The following LRP2BP variants were observed in gnomAD, a reference collection of about 807,000 sequenced individuals.
LRP2BP encodes LRP2 binding protein.
In LRP2BP, 38 loss-of-function variants were observed where a neutral mutation model predicts 45.2. The observed-to-expected ratio is 0.84, with a 90% CI of 0.65 to 1.10. The LOEUF is 1.10. Ranked by LOEUF, LRP2BP falls within the 50% of genes least tolerant of loss-of-function variation. The pLI is 0.00. For synonymous variants in LRP2BP, 153 were observed against 153.9 expected (o/e 0.99, Z 0.04); for missense variants, 385 against 418.9 (o/e 0.92, Z 0.71).
rs1343223959 is a variant in LRP2BP, at chr4:185,371,363, C to T, written c.804-549G>A. The stretch of plus-strand genomic sequence containing the variant: ...GACCATCCTGGCTAACATGGTGAAA[C>T]CCCGTCTCTACTAAAAAAGATACAA... On this transcript the variant is annotated intron_variant, in intron 7 of 8. Coordinates refer to ENST00000505916, the MANE Select transcript of LRP2BP (RefSeq NM_001377440.1). 3.3e-5 allele frequency among the ~76,000 whole-genome samples: 5 copies of T among 151,780 alleles called. No individual in the cohort carries two copies. In the East Asian group the frequency reaches 9.7e-4, roughly 29 times the overall value.
At chr4:185,372,708 G>C in intron 7 of LRP2BP, 148 bp downstream of exon 7, 1 of 597,746 alleles carries the variant, frequency 1.7e-6, no homozygotes, top group South Asian at 2.7e-5. Flanking sequence ...GCTTTCTGCT[G>C]TCACGTGAGG....
At chr4:185,382,248 T>A (rs1054281163) in intron 1 of LRP2BP, among the ~76,000 whole-genome samples, 4 of 152,240 alleles carry the variant, frequency 2.6e-5, no homozygotes, top group Non-Finnish European at 5.9e-5. Context: ...TATGGATTTT[T>A]AAAAAATCTG....
At chr4:185,367,459 A>C (rs2095393024) in intron 8 of LRP2BP, among the ~76,000 whole-genome samples, 1 of 152,204 alleles carries the variant, frequency 6.6e-6, no homozygotes, top group African/African-American at 2.4e-5. Flanking sequence ...CATTTGAAAG[A>C]GATATTTTAT....
At chr4:185,397,097 G>A, upstream of LRP2BP, 1 of 1,610,324 alleles carries the variant, frequency 6.2e-7, no homozygotes, top group South Asian at 1.1e-5. Flanking sequence ...GCCCGGAGGG[G>A]CGCGGGACTG....
intron 3 of LRP2BP, 25 bp from the exon 4 acceptor site, chr4:185,375,751 AT>A: frequency 1.4e-6 from 2 of 1,460,618 alleles, no homozygotes; most frequent in Non-Finnish European, 1.9e-6. Context: ...AAGATATTTA[AT>A]TATTTTTATT....
chr4:185,368,240 C>G (rs976710266), intron 8 of LRP2BP, among the ~76,000 whole-genome samples: 10 of 152,180 alleles, frequency 6.6e-5, no homozygotes, highest in African/African-American at 2.4e-4. Context: ...CCAGAATCCT[C>G]GAAGGGTCCT....
chr4:185,378,222 A>G lies in LRP2BP; in HGVS notation c.-21-15T>C, dbSNP rs75948372. 0.021 allele frequency: 33,543 copies of G among 1,604,060 alleles called. 597 individuals are homozygous for G. The highest frequency in any genetic ancestry group is 0.064 in the Middle Eastern group (386 of 6,004). ...CAATGTGTATTCTATAAGCAAGAAG[A>G]AAAAATAAGTGGTAGAAATTTCTTC... On this transcript the variant is annotated splice_polypyrimidine_tract_variant and intron_variant, in intron 1 of 8. Coordinates refer to ENST00000505916, the MANE Select transcript of LRP2BP (RefSeq NM_001377440.1).
intron 1 of LRP2BP, among the ~76,000 whole-genome samples, chr4:185,392,933 TTA>T (rs1723325271): frequency 6.6e-6 from 1 of 152,182 alleles, no homozygotes; most frequent in African/African-American, 2.4e-5. Context: ...ACTGGGATTT[TTA>T]GTTTTCAGTA....
chr4:185,386,067 T>TCTAA (rs1371911405), intron 1 of LRP2BP, among the ~76,000 whole-genome samples: 1 of 152,180 alleles, frequency 6.6e-6, no homozygotes, highest in Non-Finnish European at 1.5e-5. Flanking sequence ...AATGCAGTAG[T>TCTAA]CTAACTGAAA....
At chr4:185,368,481 G>A (rs1382779744) in intron 8 of LRP2BP, among the ~76,000 whole-genome samples, 1 of 152,070 alleles carries the variant, frequency 6.6e-6, no homozygotes, top group Non-Finnish European at 1.5e-5. Flanking sequence ...CTCCCAACCC[G>A]TTCCCTTCCT....
Position 185,385,754 on chromosome 4 carries a change from A to G in LRP2BP, c.-21-7547T>C, listed in dbSNP as rs112547004. Among the ~76,000 whole-genome samples, 782 of 152,270 alleles carry G rather than the reference A, an allele frequency of 5.1e-3. 9 individuals are homozygous for G. The highest frequency in any genetic ancestry group is 0.018 in the African/African-American group (756 of 41,540). On this transcript the variant is annotated intron_variant, in intron 1 of 8. Transcript: ENST00000505916. ...CGTCTCTACTAACAATACAAAAATTAGCTGGGTGCGGTAGTAGGCGCCTGT... is the reference window on the plus strand; with the variant it reads ...CGTCTCTACTAACAATACAAAAATTGGCTGGGTGCGGTAGTAGGCGCCTGT...
chr4:185,376,766 A>G (rs771167239), intron 3 of LRP2BP, 143 bp downstream of exon 3: 36 of 611,584 alleles, frequency 5.9e-5, no homozygotes, highest in African/African-American at 1.7e-4. Flanking sequence ...ACTGTATCCT[A>G]CTGTTAAAGC....
chr4:185,375,832 C>A (rs2095435569), intron 3 of LRP2BP, 106 bp from the exon 4 acceptor site: 2 of 576,618 alleles, frequency 3.5e-6, no homozygotes, highest in African/African-American at 3.8e-5. Context: ...ACACAGTTAA[C>A]AAGCAATGCA....
intron 1 of LRP2BP, among the ~76,000 whole-genome samples, 169 bp downstream of exon 1, chr4:185,394,610 C>G: frequency 6.6e-6 from 1 of 152,216 alleles, no homozygotes; most frequent in Non-Finnish European, 1.5e-5. Flanking sequence ...TTTCACATCA[C>G]AGCTGCATGT....
chr4:185,396,689 T>C (rs1300527539), upstream of LRP2BP: 3 of 534,490 alleles, frequency 5.6e-6, no homozygotes, highest in Non-Finnish European at 9.9e-6. Context: ...CACGTGCCAG[T>C]GTTTGTGTAC....
At chr4:185,367,338 A>G (rs1468209530) in intron 8 of LRP2BP, 93 bp from the exon 9 acceptor site, 1 of 1,130,036 alleles carries the variant, frequency 8.8e-7, no homozygotes, top group South Asian at 1.4e-5. Context: ...CATTTTTAAG[A>G]ATAGTAAAGT....
upstream of LRP2BP, chr4:185,396,873 T>A (rs763359900): frequency 2.5e-6 from 4 of 1,602,454 alleles, no homozygotes; most frequent in Non-Finnish European, 3.4e-6. Flanking sequence ...GCGGCGAGTG[T>A]CTCACCTCTC....
chr4:185,366,784 G>T lies in LRP2BP; in HGVS notation c.*396C>A, dbSNP rs2095389394. 6.5e-6 allele frequency: 1 copy of T among 153,288 alleles called. No homozygotes were observed. The highest frequency in any genetic ancestry group is 6.5e-5 in the Admixed American group (1 of 15,286). 9.5% of individuals were successfully genotyped at this position (153,288 alleles called of 1,614,324 possible). A position where few individuals can be genotyped will look rare whatever the true frequency, so the allele number is the denominator to read the frequency against. On this transcript the variant is annotated 3_prime_UTR_variant, in exon 9 of 9. Transcript: ENST00000505916. ...CACAAAACTAAGAGACAAATTTAAA[G>T]AATTAAACTTTCAAATGATGGTTTT...
chr4:185,372,101 T>G (rs2095418144), intron 7 of LRP2BP, among the ~76,000 whole-genome samples: 1 of 152,236 alleles, frequency 6.6e-6, no homozygotes, highest in East Asian at 1.9e-4. Context: ...CTTTTAACCA[T>G]ATTCTCATGT....
Sources: gnomAD v4.1 joint callset for allele counts (sites outside exome capture counted in the v4.1 genomes callset) on GRCh38, gnomAD v4.1.1 for gene constraint, MANE v1.5 for transcripts, NCBI Gene and HGNC (gene_info 2026-07-23, HGNC 2026-07-21) for gene names.